Variants in KSR2 observed in about 807,000 individuals in gnomAD.
KSR2 encodes the protein kinase suppressor of ras 2.
Under a neutral mutation model 107.8 loss-of-function variants are expected in KSR2, and 25 were observed. The observed-to-expected ratio is 0.23, with a 90% CI of 0.17 to 0.32. The LOEUF is 0.32. KSR2 is among the 10% of genes least tolerant of loss of function. The probability of loss-of-function intolerance (pLI) is 1.00; values close to 1 mark genes in which losing one functional copy is unlikely to be tolerated. For synonymous variants in KSR2, 480 were observed against 507.0 expected, an observed-to-expected ratio of 0.95 and a Z score of 0.71; for missense variants, 887 against 1,268.9, an observed-to-expected ratio of 0.70 and a Z score of 4.57.
chr12:117,568,086 A>C (rs1171197986), intron 7 of KSR2, among the ~76,000 whole-genome samples: 1 of 152,182 alleles, frequency 6.6e-6, no homozygotes, highest in African/African-American at 2.4e-5. Context: ...GGTTCCAAGG[A>C]CATCATGAAA....
At chr12:117,818,378 C>G (rs1026730443) in intron 3 of KSR2, among the ~76,000 whole-genome samples, 1 of 152,070 alleles carries the variant, frequency 6.6e-6, no homozygotes, top group Non-Finnish European at 1.5e-5. Flanking sequence ...ACGTTGTGTG[C>G]CCTAGGGCAC....
At chr12:117,492,868 C>T (rs955392805) in intron 14 of KSR2, among the ~76,000 whole-genome samples, 13 of 152,088 alleles carry the variant, frequency 8.5e-5, no homozygotes, top group African/African-American at 1.4e-4. Flanking sequence ...GAAGGGGGCA[C>T]GAGCCAAGGA....
At chr12:117,547,689 G>T (rs1182193608) in intron 9 of KSR2, among the ~76,000 whole-genome samples, 1 of 152,120 alleles carries the variant, frequency 6.6e-6, no homozygotes, top group Non-Finnish European at 1.5e-5. Flanking sequence ...TCCCTTTCCT[G>T]GGCCTTTGAC....
intron 5 of KSR2, among the ~76,000 whole-genome samples, chr12:117,634,701 A>C (rs929609218): frequency 2.6e-5 from 4 of 152,186 alleles, no homozygotes; most frequent in Admixed American, 2.6e-4. Flanking sequence ...CCTGTTCAGC[A>C]TTCAGAACTC....
intron 5 of KSR2, among the ~76,000 whole-genome samples, chr12:117,613,768 A>T (rs1201305222): frequency 6.6e-6 from 1 of 152,220 alleles, no homozygotes; most frequent in Non-Finnish European, 1.5e-5. Flanking sequence ...GAGCTGATGT[A>T]TCTGTTAATG....
At chr12:117,549,531 T>C (rs1366512476) in intron 9 of KSR2, among the ~76,000 whole-genome samples, 1 of 151,818 alleles carries the variant, frequency 6.6e-6, no homozygotes, top group Non-Finnish European at 1.5e-5. Context: ...AGACAGGGAG[T>C]ATGTTATATG....
intron 4 of KSR2, among the ~76,000 whole-genome samples, chr12:117,680,319 A>G (rs7960466): frequency 0.15 from 22,843 of 152,258 alleles, 1,931 homozygotes; most frequent in African/African-American, 0.23. Flanking sequence ...TTTTAATTAA[A>G]GCAAGATAAA....
intron 3 of KSR2, among the ~76,000 whole-genome samples, chr12:117,805,977 G>C (rs1890993822): frequency 6.6e-6 from 1 of 151,984 alleles, no homozygotes; most frequent in Non-Finnish European, 1.5e-5. Flanking sequence ...GGAAGACTCT[G>C]CCTCAAAAAA....
chr12:117,751,961 T>C (rs900295853), intron 4 of KSR2, among the ~76,000 whole-genome samples: 1 of 152,240 alleles, frequency 6.6e-6, no homozygotes, highest in Admixed American at 6.5e-5. Context: ...ATAAATATAT[T>C]AGAGATCCTT....
intron 5 of KSR2, among the ~76,000 whole-genome samples, chr12:117,643,562 G>A (rs1883477982): frequency 1.3e-5 from 2 of 152,134 alleles, no homozygotes; most frequent in Non-Finnish European, 2.9e-5. Context: ...TAAACTAAAA[G>A]TTTGTTTATT....
At chr12:117,837,176 TC>T (rs966144660) in intron 3 of KSR2, among the ~76,000 whole-genome samples, 7 of 152,048 alleles carry the variant, frequency 4.6e-5, no homozygotes, top group African/African-American at 1.7e-4. Context: ...ACCCAGGGTC[TC>T]CCCTGGCTTC....
intron 1 of KSR2, among the ~76,000 whole-genome samples, chr12:117,945,839 G>A (rs866207411): frequency 2.0e-5 from 3 of 152,128 alleles, no homozygotes; most frequent in African/African-American, 4.8e-5. Context: ...GAGTGCTAGC[G>A]TGCAAACAAA....
At chr12:117,794,531 A>G (rs1415600388) in intron 3 of KSR2, among the ~76,000 whole-genome samples, 1 of 142,476 alleles carries the variant, frequency 7.0e-6, no homozygotes, top group African/African-American at 2.7e-5. Flanking sequence ...CAACATGCAC[A>G]CACAACATGC....
chr12:117,670,703 T>G (rs1884870439), intron 4 of KSR2, among the ~76,000 whole-genome samples: 1 of 152,066 alleles, frequency 6.6e-6, no homozygotes, highest in African/African-American at 2.4e-5. Flanking sequence ...TTTGCCCCCC[T>G]GTGTCTAGCA....
intron 6 of KSR2, among the ~76,000 whole-genome samples, chr12:117,581,318 T>A (rs1879650773): frequency 6.6e-6 from 1 of 152,090 alleles, no homozygotes; most frequent in Admixed American, 6.5e-5. Context: ...GACCCTCCCC[T>A]AGACCACGAG....
intron 3 of KSR2, among the ~76,000 whole-genome samples, chr12:117,795,710 C>A (rs1394511113): frequency 6.6e-6 from 1 of 152,058 alleles, no homozygotes; most frequent in Admixed American, 6.6e-5. Flanking sequence ...CTTACTGCAG[C>A]CTTGAACTCT....
chr12:117,825,081 C>T (rs905385707), intron 3 of KSR2, among the ~76,000 whole-genome samples: 1 of 152,018 alleles, frequency 6.6e-6, no homozygotes, highest in Non-Finnish European at 1.5e-5. Context: ...ACTCAGGAGA[C>T]TGGACAGGAG....
At chr12:117,956,259 A>C (rs1896515281) in intron 1 of KSR2, among the ~76,000 whole-genome samples, 2 of 140,018 alleles carry the variant, frequency 1.4e-5, no homozygotes, top group Non-Finnish European at 3.1e-5. Context: ...CAAAAAAAAA[A>C]AAAAAAAAAA....
At chr12:117,923,302 AG>A (rs1174142884) in intron 1 of KSR2, among the ~76,000 whole-genome samples, 1 of 152,216 alleles carries the variant, frequency 6.6e-6, no homozygotes, top group Non-Finnish European at 1.5e-5. Flanking sequence ...TGGTAAATTT[AG>A]GGCCAAAGGC....
Sources: gnomAD v4.1 joint callset for allele counts (sites outside exome capture counted in the v4.1 genomes callset) on GRCh38, gnomAD v4.1.1 for gene constraint, MANE v1.5 for transcripts, NCBI Gene and HGNC (gene_info 2026-07-23, HGNC 2026-07-21) for gene names.